The following GALNT17 variants were observed in gnomAD, a reference collection of about 807,000 sequenced individuals.
GALNT17 encodes the protein UDP-GalNAc:polypeptide N-acetylgalactosaminyltransferase-like 3.
GALNT17 carries 29 observed loss-of-function variants against 63.7 expected under a neutral mutation model. That is an observed-to-expected ratio of 0.46 (90% CI 0.34 to 0.62). GALNT17 has a LOEUF of 0.62. Among genes scored for constraint, GALNT17 ranks in the 20% least tolerant of loss-of-function variants. GALNT17 has a pLI of 0.01. For missense variants in GALNT17, 603 were observed against 799.6 expected (o/e 0.75, Z 2.97); for synonymous variants, 305 against 318.3 (o/e 0.96, Z 0.45).
chr7:71,562,052 C>T (rs927095364), intron 5 of GALNT17, among the ~76,000 whole-genome samples: 1 of 151,970 alleles, frequency 6.6e-6, no homozygotes, highest in African/African-American at 2.4e-5. Flanking sequence ...AACTCCCAGG[C>T]TCAAGTGATT....
Position 71,132,780 on chromosome 7 carries a change from G to T in GALNT17, c.-23G>T. 1 of 1,570,190 alleles carries T rather than the reference G, an allele frequency of 6.4e-7. No homozygotes were observed. Among genetic ancestry groups the T allele is most frequent in the Non-Finnish European group, 8.7e-7 (1 of 1,154,738 alleles). On this transcript the variant is annotated 5_prime_UTR_variant, in exon 1 of 11. Coordinates refer to ENST00000333538, the MANE Select transcript of GALNT17 (RefSeq NM_022479.3). ...GAGCCCGAGGGGGCGCAGGTCCGGG[G>T]CGAGGGCCGGCCGGGCTGTTTGATG...
chr7:71,490,382 A>G (rs1475275322), intron 5 of GALNT17, among the ~76,000 whole-genome samples: 1 of 152,098 alleles, frequency 6.6e-6, no homozygotes, highest in Non-Finnish European at 1.5e-5. Flanking sequence ...ATACAGGGTC[A>G]TTCTTAGGGT....
chr7:71,237,658 A>G (rs1415030038), intron 1 of GALNT17, among the ~76,000 whole-genome samples: 2 of 152,126 alleles, frequency 1.3e-5, no homozygotes, highest in African/African-American at 2.4e-5. Context: ...GCACTCCAGC[A>G]TGGGTGACAG....
intron 3 of GALNT17, among the ~76,000 whole-genome samples, chr7:71,415,247 T>G (rs373398005): frequency 6.6e-6 from 1 of 152,170 alleles, no homozygotes; most frequent in East Asian, 1.9e-4. Flanking sequence ...TATGTGACCT[T>G]GGAACAGGTT....
At chr7:71,304,947 G>C (rs1172715150) in intron 1 of GALNT17, among the ~76,000 whole-genome samples, 1 of 152,082 alleles carries the variant, frequency 6.6e-6, no homozygotes, top group Non-Finnish European at 1.5e-5. Flanking sequence ...GTTTCACCAT[G>C]TTGGCCATGG....
chr7:71,541,489 G>A (rs987584925), intron 5 of GALNT17, among the ~76,000 whole-genome samples: 2 of 152,092 alleles, frequency 1.3e-5, no homozygotes, highest in African/African-American at 4.8e-5. Flanking sequence ...GGAGGCGGAG[G>A]TTGCAGTGAG....
chr7:71,408,991 CACAT>C (rs1192710030), intron 3 of GALNT17, among the ~76,000 whole-genome samples: 2 of 147,834 alleles, frequency 1.4e-5, no homozygotes, highest in South Asian at 2.1e-4. Context: ...TATATATACA[CACAT>C]ACATATATAT....
intron 5 of GALNT17, among the ~76,000 whole-genome samples, chr7:71,470,215 C>T (rs1221308218): frequency 6.6e-6 from 1 of 152,010 alleles, no homozygotes; most frequent in Admixed American, 6.6e-5. Context: ...TCTCAAAAAA[C>T]AACAACAACA....
At chr7:71,310,043 C>G (rs1180755246) in intron 1 of GALNT17, among the ~76,000 whole-genome samples, 4 of 152,182 alleles carry the variant, frequency 2.6e-5, no homozygotes, top group Non-Finnish European at 5.9e-5. Context: ...TGCACAAGCT[C>G]TCTCTTTGCC....
intron 5 of GALNT17, among the ~76,000 whole-genome samples, chr7:71,494,945 T>A (rs1245276274): frequency 6.6e-6 from 1 of 152,122 alleles, no homozygotes; most frequent in East Asian, 1.9e-4. Flanking sequence ...ACTGCCCCCA[T>A]GATTCAATTG....
chr7:71,304,416 C>T (rs192443606), intron 1 of GALNT17, among the ~76,000 whole-genome samples: 10 of 152,242 alleles, frequency 6.6e-5, no homozygotes, highest in Admixed American at 5.9e-4. Flanking sequence ...CCCTTTGCCC[C>T]TTTGGGTAAA....
intron 6 of GALNT17, among the ~76,000 whole-genome samples, chr7:71,622,554 T>C (rs559736827): frequency 1.8e-4 from 27 of 152,306 alleles, no homozygotes; most frequent in Non-Finnish European, 2.9e-4. Flanking sequence ...CTTGGACTCC[T>C]ACCTTGCCCA....
intron 1 of GALNT17, among the ~76,000 whole-genome samples, chr7:71,144,062 A>G (rs1032012837): frequency 6.6e-6 from 1 of 152,072 alleles, no homozygotes; most frequent in African/African-American, 2.4e-5. Context: ...CAACATCTGG[A>G]ATTGCTGCAT....
chr7:71,590,502 C>T (rs1789781794), intron 6 of GALNT17, among the ~76,000 whole-genome samples: 1 of 152,210 alleles, frequency 6.6e-6, no homozygotes, highest in Non-Finnish European at 1.5e-5. Context: ...CCTGAATTTA[C>T]ACCATCCTCT....
chr7:71,441,343 C>A (rs759098861), intron 5 of GALNT17, among the ~76,000 whole-genome samples: 1 of 152,116 alleles, frequency 6.6e-6, no homozygotes, highest in Non-Finnish European at 1.5e-5. Flanking sequence ...GCCTGCAGAG[C>A]CTTCTCTTCC....
chr7:71,145,731 G>C (rs1788008338), intron 1 of GALNT17, among the ~76,000 whole-genome samples: 1 of 152,022 alleles, frequency 6.6e-6, no homozygotes, highest in Non-Finnish European at 1.5e-5. Flanking sequence ...TTTTGAGAAG[G>C]AGTCTCACTC....
intron 5 of GALNT17, among the ~76,000 whole-genome samples, chr7:71,544,660 C>T (rs1342910705): frequency 6.6e-6 from 1 of 152,088 alleles, no homozygotes; most frequent in Non-Finnish European, 1.5e-5. Context: ...GTTGACTTCA[C>T]ACTTCAAAAA....
At chr7:71,655,153 G>T (rs992227511) in intron 6 of GALNT17, among the ~76,000 whole-genome samples, 3 of 152,094 alleles carry the variant, frequency 2.0e-5, no homozygotes, top group Admixed American at 6.5e-5. Context: ...TACTCGGGAG[G>T]CTGGGGCAGG....
intron 3 of GALNT17, among the ~76,000 whole-genome samples, chr7:71,401,484 C>T (rs1394000062): frequency 2.0e-5 from 3 of 152,076 alleles, no homozygotes; most frequent in African/African-American, 7.2e-5. Context: ...GGTCCCCAAC[C>T]CCCCAGGCCA....
Sources: allele counts gnomAD v4.1 joint callset (sites outside exome capture counted in the v4.1 genomes callset), GRCh38; gene constraint gnomAD v4.1.1; transcripts MANE v1.5; gene names NCBI Gene and HGNC (gene_info 2026-07-23, HGNC 2026-07-21).